Variants in PPP1R3A observed in about 807,000 individuals in gnomAD.
The protein encoded by PPP1R3A is protein phosphatase 1 regulatory subunit 3A.
A neutral mutation model predicts 41.7 loss-of-function variants in PPP1R3A; 29 were observed. The observed-to-expected ratio is 0.70, with a 90% CI of 0.52 to 0.95. PPP1R3A has a LOEUF of 0.95. PPP1R3A is among the 40% of genes least tolerant of loss of function. The pLI is 0.00. For synonymous variants in PPP1R3A, 485 were observed against 453.4 expected (o/e 1.07, Z -0.89); for missense variants, 1,352 against 1,292.4 (o/e 1.05, Z -0.71).
At chr7:113,889,048 T>C (rs976837448) in intron 1 of PPP1R3A, among the ~76,000 whole-genome samples, 4 of 152,178 alleles carry the variant, frequency 2.6e-5, no homozygotes, top group Non-Finnish European at 2.9e-5. Context: ...TAAATTAATA[T>C]AGACCTGTAT....
rs552880228 is a variant in PPP1R3A at position 113,899,573 on chromosome 7, T to C, written c.783-17253A>G. Among the ~76,000 whole-genome samples the C allele has an allele frequency of 4.9e-4, 75 of 152,006 alleles. 1 individual carries two copies. The highest frequency in any genetic ancestry group is 1.7e-3 in the African/African-American group (69 of 41,534). ...ATAGCATTATTCTTTTTGTGGATAG[T>C]GTGACTAGTTACAAGATTTTCATTA... On this transcript the variant is annotated intron_variant, in intron 1 of 3. Coordinates refer to ENST00000284601, the MANE Select transcript of PPP1R3A (RefSeq NM_002711.4).
At chr7:113,917,469 T>A (rs926965593) in intron 1 of PPP1R3A, among the ~76,000 whole-genome samples, 1 of 152,116 alleles carries the variant, frequency 6.6e-6, no homozygotes, top group Non-Finnish European at 1.5e-5. Flanking sequence ...GTAAGGTTAC[T>A]AATGAGGGGT....
intron 1 of PPP1R3A, among the ~76,000 whole-genome samples, chr7:113,882,763 T>C (rs1175917337): frequency 7.9e-5 from 12 of 151,968 alleles, no homozygotes; most frequent in Non-Finnish European, 1.8e-4. Context: ...CAATTAATTT[T>C]TTGTGTTCCA....
Position 113,882,088 on chromosome 7 carries a change from T to A in PPP1R3A, c.917A>T (p.Asp306Val), listed in dbSNP as rs1380484360. The change falls in exon 3 of 4, where the codon GAT becomes GTT. Residue 306 changes from aspartate (D) to valine (V), a missense_variant. Asp to Val is a radical substitution (Grantham distance 152). Transcript: ENST00000284601. ...ATGTTCATCATGTTCCCTGTTTACA[T>A]CTTTTACATTTCGATTACTGGCTTC... The part of the protein sequence containing the change: ...DLEASNRNVK[D>V]VNREHDEHNE... 4 of 1,612,600 alleles carry A rather than the reference T, an allele frequency of 2.5e-6. No homozygotes were observed. Among genetic ancestry groups the A allele is most frequent in the East Asian group, 2.2e-5 (1 of 44,772 alleles).
chr7:113,877,903 G>A lies in PPP1R3A; in HGVS notation c.3189C>T (p.Gly1063=). The A allele has an allele frequency of 1.2e-6, 2 of 1,612,734 alleles. No individual in the cohort carries two copies. Among genetic ancestry groups the A allele is most frequent in the Admixed American group, 1.7e-5 (1 of 59,900 alleles). Residue 1063 remains glycine, a synonymous_variant, in exon 4 of 4, where the codon GGC becomes GGT. Transcript: ENST00000284601. ...SLPVEESQAQ[G]NESLFSKYTN... ...TATATTTTGAAAACAAAGATTCGTT[G>A]CCTTGAGCTTGACTTTCCTCAACAG...
In PPP1R3A at chr7:113,879,642, A is replaced by T; in HGVS notation, c.1450T>A (p.Cys484Ser). Residue 484 changes from cysteine to serine, a missense_variant, in exon 4 of 4, where the codon TGT becomes AGT. Transcript: ENST00000284601. ...AKNIEVKDLG[C>S]LRRDFHSDTS... is the part of the protein sequence containing the mutation. ...TCTGAATGGAAATCTCTTCGTAAAC[A>T]TCCCAAATCTTTTACTTCAATATTT... 6.2e-7 allele frequency: 1 copy of T among 1,613,208 alleles called. No homozygotes were observed. Among genetic ancestry groups the T allele is most frequent in the East Asian group, 2.2e-5 (1 of 44,818 alleles).
At chr7:113,884,660 G>GA (rs1796751887) in intron 1 of PPP1R3A, among the ~76,000 whole-genome samples, 1 of 150,938 alleles carries the variant, frequency 6.6e-6, no homozygotes, top group African/African-American at 2.4e-5. Context: ...ATTTTCTTAA[G>GA]AAAAAAGAAA....
chr7:113,916,084 A>T (rs1017185945), intron 1 of PPP1R3A, among the ~76,000 whole-genome samples: 1 of 152,026 alleles, frequency 6.6e-6, no homozygotes, highest in Non-Finnish European at 1.5e-5. Context: ...TTCATGTTGG[A>T]CTGAAATTCA....
chr7:113,908,921 T>C (rs1387790221), intron 1 of PPP1R3A, among the ~76,000 whole-genome samples: 1 of 151,834 alleles, frequency 6.6e-6, no homozygotes, highest in African/African-American at 2.4e-5. Context: ...TGCTCACTTA[T>C]AAGTGAGAGA....
chr7:113,918,323 G>A lies in PPP1R3A; in HGVS notation c.674C>T (p.Thr225Ile), dbSNP rs1442372514. ...CTTTTGACAAATGAATGTATAATTT[G>A]TGCCATTATTATTTGACCAAAATGT... ...VGTFWSNNNG[T>I]NYTFICQKKE... is the part of the protein sequence containing the mutation. The change falls in exon 1 of 4, where the codon ACA (threonine) becomes ATA (isoleucine). Residue 225 changes from threonine to isoleucine, a missense_variant. By Grantham distance (89) the Thr-to-Ile change is moderately conservative. Transcript: ENST00000284601. The A allele has an allele frequency of 1.2e-6, 2 of 1,612,878 alleles. No homozygotes were observed. The highest frequency in any genetic ancestry group is 1.1e-5 in the South Asian group (1 of 90,996).
intron 1 of PPP1R3A, among the ~76,000 whole-genome samples, chr7:113,916,180 G>T (rs1797339539): frequency 6.6e-6 from 1 of 152,026 alleles, no homozygotes; most frequent in African/African-American, 2.4e-5. Context: ...CAGAAGTGCA[G>T]AAAATGTATT....
chr7:113,887,485 A>G (rs1796805150), intron 1 of PPP1R3A, among the ~76,000 whole-genome samples: 1 of 152,132 alleles, frequency 6.6e-6, no homozygotes, highest in Non-Finnish European at 1.5e-5. Flanking sequence ...GGAAATAGAC[A>G]TATCAATAGG....
intron 1 of PPP1R3A, among the ~76,000 whole-genome samples, chr7:113,913,179 G>A (rs1341481019): frequency 6.6e-6 from 1 of 152,088 alleles, no homozygotes; most frequent in African/African-American, 2.4e-5. Context: ...AAACGAGTTA[G>A]TTATGGCATA....
chr7:113,892,949 G>C (rs4373451), intron 1 of PPP1R3A, among the ~76,000 whole-genome samples: 147,270 of 152,106 alleles, frequency 0.97, 71,447 homozygotes, highest in East Asian at 1. Context: ...CATTTCTTAT[G>C]TGTAAAGTGA....
In PPP1R3A at chr7:113,882,102, A is replaced by T; in HGVS notation, c.903T>A (p.Asn301Lys). Residue 301 changes from asparagine to lysine, a missense_variant, in exon 3 of 4, where the codon AAT becomes AAA. By Grantham distance (94) the Asn-to-Lys change is moderately conservative. Transcript: ENST00000284601. ...CCCTGTTTACATCTTTTACATTTCG[A>T]TTACTGGCTTCCAAATCTTCCTTGT... ...HEDKEDLEAS[N>K]RNVKDVNREH... The T allele has an allele frequency of 6.2e-7, 1 of 1,612,078 alleles. No individual in the cohort carries two copies. Among genetic ancestry groups the T allele is most frequent in the Non-Finnish European group, 8.5e-7 (1 of 1,178,568 alleles).
At chr7:113,914,120 T>G (rs1485316349) in intron 1 of PPP1R3A, among the ~76,000 whole-genome samples, 1 of 152,148 alleles carries the variant, frequency 6.6e-6, no homozygotes, top group Non-Finnish European at 1.5e-5. Context: ...GATTTGATAA[T>G]AAAAGGGACA....
rs1268307898 is a variant in PPP1R3A, at chr7:113,877,678, G to C, written c.*45C>G. The C allele has an allele frequency of 6.7e-7, 1 of 1,503,402 alleles. No homozygotes were observed. Among genetic ancestry groups the C allele is most frequent in the Non-Finnish European group, 8.9e-7 (1 of 1,124,106 alleles). 93.1% of individuals were successfully genotyped at this position (1,503,402 alleles called of 1,614,324 possible). ...GTCCCATTCACCAATCCAAATGTTT[G>C]GGGTTAAATAGCTTATCTTTTAAGA... is the stretch of plus-strand genomic sequence containing the variant. On this transcript the variant is annotated 3_prime_UTR_variant, in exon 4 of 4. Transcript: ENST00000284601.
chr7:113,891,015 A>G lies in PPP1R3A; in HGVS notation c.783-8695T>C, dbSNP rs1213173162. On this transcript the variant is annotated intron_variant, in intron 1 of 3. Coordinates refer to ENST00000284601, the MANE Select transcript of PPP1R3A (RefSeq NM_002711.4). The stretch of plus-strand genomic sequence containing the variant: ...ACCAACTAGTGGCAAATCCATAACT[A>G]GCTCCAAGTTTCTTAGTCATTATGT... Among the ~76,000 whole-genome samples the G allele has an allele frequency of 2.1e-5, 3 of 146,160 alleles. No homozygotes were observed. In the Admixed American group the frequency reaches 2.1e-4, roughly 10 times the overall value.
intron 1 of PPP1R3A, among the ~76,000 whole-genome samples, chr7:113,884,631 G>A (rs1426223961): frequency 2.0e-5 from 3 of 151,808 alleles, no homozygotes; most frequent in Admixed American, 2.0e-4. Context: ...AATATCTTCT[G>A]GGCCTAAGAG....
Sources: allele counts gnomAD v4.1 joint callset (sites outside exome capture counted in the v4.1 genomes callset), GRCh38; gene constraint gnomAD v4.1.1; transcripts MANE v1.5; gene names NCBI Gene and HGNC (gene_info 2026-07-23, HGNC 2026-07-21).